Variants in ITGA8 observed in about 807,000 individuals in gnomAD.
The protein encoded by ITGA8 is integrin subunit alpha 8.
Under a neutral mutation model 142.3 loss-of-function variants are expected in ITGA8, and 91 were observed. The observed-to-expected ratio is 0.64, with a 90% CI of 0.54 to 0.76. The LOEUF is 0.76. Ranked by LOEUF, ITGA8 falls within the 30% of genes least tolerant of loss-of-function variation. The pLI is 0.00. For missense variants in ITGA8, 1,406 were observed against 1,327.7 expected, an observed-to-expected ratio of 1.06 and a Z score of -0.92; for synonymous variants, 505 against 485.2, an observed-to-expected ratio of 1.04 and a Z score of -0.54.
intron 2 of ITGA8, among the ~76,000 whole-genome samples, chr10:15,714,812 A>G (rs1434248339): frequency 6.6e-6 from 1 of 152,220 alleles, no homozygotes; most frequent in Admixed American, 6.5e-5. Flanking sequence ...TGTCTCCTTC[A>G]AAGTCTAAGC....
rs1322977549 is a variant in ITGA8, at chr10:15,606,337, A to G, written c.1850T>C (p.Leu617Pro). 6.2e-7 allele frequency: 1 copy of G among 1,612,394 alleles called. No homozygotes were observed. The highest frequency in any genetic ancestry group is 2.2e-5 in the East Asian group (1 of 44,826). The change falls in exon 18 of 30, where the codon CTG becomes CCG. Residue 617 changes from leucine to proline, a missense_variant. Physicochemically the swap from Leu to Pro is moderately conservative, Grantham distance 98. Coordinates refer to ENST00000378076, the MANE Select transcript of ITGA8 (RefSeq NM_003638.3). ...GTAGTTCAATATTGGTTTCACTTCC[A>G]GGCCTTCTTTAAAGGTGGATTCGTC... ...SLDESTFKEGLEVKPILNYYR... is the reference protein window; with the variant it reads ...SLDESTFKEGPEVKPILNYYR...
At chr10:15,578,460 C>G (rs1046968846) in intron 23 of ITGA8, among the ~76,000 whole-genome samples, 5 of 152,094 alleles carry the variant, frequency 3.3e-5, no homozygotes, top group African/African-American at 1.2e-4. Context: ...ATTAACAAAG[C>G]TGCTATTAAG....
chr10:15,631,164 C>A (rs1218555944), intron 13 of ITGA8, among the ~76,000 whole-genome samples: 3 of 151,906 alleles, frequency 2.0e-5, no homozygotes, highest in African/African-American at 7.3e-5. Flanking sequence ...GTGGCGATTC[C>A]TCAAGGATCT....
rs539692192 is a variant in ITGA8, at chr10:15,566,791, A to G, written c.2637+5420T>C. ...AGTGCCACTGCACTCCAGCCCATGCAACAGAGTGAGACCTTGTCTTAAAAA... is the reference window on the plus strand; with the variant it reads ...AGTGCCACTGCACTCCAGCCCATGCGACAGAGTGAGACCTTGTCTTAAAAA... On this transcript the variant is annotated intron_variant, in intron 25 of 29. Coordinates refer to ENST00000378076, the MANE Select transcript of ITGA8 (RefSeq NM_003638.3). Among the ~76,000 whole-genome samples the G allele has an allele frequency of 3.9e-5, 4 of 101,662 alleles. No homozygotes were observed. In the South Asian group the frequency reaches 9.1e-4, roughly 23 times the overall value. The allele number at this position is 101,662 out of a possible 152,430, so 66.7% of individuals were successfully genotyped here.
At chr10:15,556,237 C>T (rs1280409040) in intron 26 of ITGA8, among the ~76,000 whole-genome samples, 1 of 151,824 alleles carries the variant, frequency 6.6e-6, no homozygotes, top group Non-Finnish European at 1.5e-5. Flanking sequence ...CCATGTTGGC[C>T]AGGCTGGTGT....
rs1833935278 is a variant in ITGA8 at position 15,644,462 on chromosome 10, AT to A, written c.1208-242del. On this transcript the variant is annotated intron_variant, in intron 12 of 29. Transcript: ENST00000378076. Reference sequence around the variant, plus strand: ...TATATATATATATATATATATATATATATATATATATATATATATATATATA... The same window carrying A: ...TATATATATATATATATATATATATAATATATATATATATATATATATATA... 4.0e-4 allele frequency among the ~76,000 whole-genome samples: 9 copies of A among 22,264 alleles called. 2 individuals carry two copies. In the Admixed American group the frequency reaches 7.4e-3, roughly 18 times the overall value. The allele number at this position is 22,264 out of a possible 152,430, so 14.6% of individuals were successfully genotyped here. A position where few individuals can be genotyped will look rare whatever the true frequency, so the allele number is the denominator to read the frequency against.
intron 9 of ITGA8, among the ~76,000 whole-genome samples, chr10:15,660,215 T>A (rs1834259025): frequency 6.6e-6 from 1 of 152,218 alleles, no homozygotes; most frequent in Admixed American, 6.5e-5. Flanking sequence ...ATGTGACTTG[T>A]GCAGTCACAC....
At chr10:15,680,498 C>CT (rs984098691) in intron 4 of ITGA8, among the ~76,000 whole-genome samples, 2 of 151,944 alleles carry the variant, frequency 1.3e-5, no homozygotes, top group Admixed American at 1.3e-4. Context: ...TCTGGAATAT[C>CT]TAAGTATCAA....
chr10:15,699,159 C>T lies in ITGA8; in HGVS notation c.344-11121G>A, dbSNP rs565178119. 3.9e-5 allele frequency among the ~76,000 whole-genome samples: 6 copies of T among 152,264 alleles called. No homozygotes were observed. The East Asian group carries it at 7.7e-4, about 20-fold the overall frequency. On this transcript the variant is annotated intron_variant, in intron 2 of 29. Coordinates refer to ENST00000378076, the MANE Select transcript of ITGA8 (RefSeq NM_003638.3). ...AGTAGTTGGGTGTGGTGGCACATGC[C>T]TGTAGTCTCAGCTACTCAGGAGGCT...
intron 28 of ITGA8, among the ~76,000 whole-genome samples, chr10:15,527,139 T>C (rs1327830342): frequency 6.6e-6 from 1 of 152,160 alleles, no homozygotes; most frequent in African/African-American, 2.4e-5. Context: ...AACAAAATAA[T>C]AACATGAGGT....
chr10:15,550,839 G>A (rs1285622769), intron 26 of ITGA8, among the ~76,000 whole-genome samples: 1 of 151,868 alleles, frequency 6.6e-6, no homozygotes, highest in Non-Finnish European at 1.5e-5. Context: ...AATATGAGAG[G>A]AAAGAGAAGA....
intron 23 of ITGA8, among the ~76,000 whole-genome samples, chr10:15,580,923 A>G (rs1436417919): frequency 6.6e-6 from 1 of 152,170 alleles, no homozygotes; most frequent in African/African-American, 2.4e-5. Context: ...GTTCTAGTCT[A>G]TGCAATAAGG....
chr10:15,576,723 G>A (rs1436805172), intron 23 of ITGA8, among the ~76,000 whole-genome samples: 1 of 152,170 alleles, frequency 6.6e-6, no homozygotes, highest in East Asian at 1.9e-4. Flanking sequence ...TTTGGTTTGT[G>A]TACCACAAAT....
At chr10:15,617,266 G>A (rs557713873) in intron 13 of ITGA8, among the ~76,000 whole-genome samples, 1 of 152,272 alleles carries the variant, frequency 6.6e-6, no homozygotes, top group South Asian at 2.1e-4. Flanking sequence ...AGGCTAAACT[G>A]TAAATTTCCT....
At chr10:15,628,614 G>A (rs2131631408) in intron 13 of ITGA8, among the ~76,000 whole-genome samples, 1 of 151,910 alleles carries the variant, frequency 6.6e-6, no homozygotes, top group Middle Eastern at 3.4e-3. Flanking sequence ...TTACAGGTGT[G>A]AGCCACCGCG....
At chr10:15,619,443 A>G (rs1489961755) in intron 13 of ITGA8, among the ~76,000 whole-genome samples, 1 of 152,202 alleles carries the variant, frequency 6.6e-6, no homozygotes, top group Non-Finnish European at 1.5e-5. Context: ...TGATGTTCAA[A>G]TAAGTCGAAC....
At chr10:15,653,280 G>T (rs530641326) in intron 11 of ITGA8, among the ~76,000 whole-genome samples, 53 of 152,078 alleles carry the variant, frequency 3.5e-4, no homozygotes, top group Non-Finnish European at 7.2e-4. Flanking sequence ...CTACCCAGTT[G>T]GGGATTGTAT....
chr10:15,590,387 T>C (rs1000069087), intron 22 of ITGA8, among the ~76,000 whole-genome samples: 1 of 152,220 alleles, frequency 6.6e-6, no homozygotes, highest in Non-Finnish European at 1.5e-5. Context: ...GATGAACTAG[T>C]AATTGCATCC....
intron 2 of ITGA8, among the ~76,000 whole-genome samples, chr10:15,688,630 A>G (rs1335543496): frequency 6.6e-6 from 1 of 152,254 alleles, no homozygotes; most frequent in Non-Finnish European, 1.5e-5. Context: ...ATCCAACAGC[A>G]TGTTAAAAGT....
Sources: gnomAD v4.1 joint callset for allele counts (sites outside exome capture counted in the v4.1 genomes callset) on GRCh38, gnomAD v4.1.1 for gene constraint, MANE v1.5 for transcripts, NCBI Gene and HGNC (gene_info 2026-07-23, HGNC 2026-07-21) for gene names.